Variants in ANXA6 observed in about 807,000 individuals in gnomAD.
The protein encoded by ANXA6 is annexin A6.
A neutral mutation model predicts 95.4 loss-of-function variants in ANXA6; 71 were observed. That is an observed-to-expected ratio of 0.74 (90% CI 0.61 to 0.91). The LOEUF is 0.91. Ranked by LOEUF, ANXA6 falls within the 40% of genes least tolerant of loss-of-function variation. ANXA6 has a pLI of 0.00. For missense variants in ANXA6, 830 were observed against 876.4 expected (o/e 0.95, Z 0.67); for synonymous variants, 289 against 315.9 (o/e 0.91, Z 0.90).
intron 24 of ANXA6, among the ~76,000 whole-genome samples, 171 bp downstream of exon 24, chr5:151,105,074 C>G (rs1476532848): frequency 6.6e-6 from 1 of 152,176 alleles, no homozygotes; most frequent in Non-Finnish European, 1.5e-5. Flanking sequence ...GAAATCACCC[C>G]CAACTGGGAA....
At chr5:151,108,161 T>G (rs961760393) in intron 23 of ANXA6, among the ~76,000 whole-genome samples, 4 of 152,110 alleles carry the variant, frequency 2.6e-5, no homozygotes, top group South Asian at 4.1e-4. Flanking sequence ...AGTGTGTGTG[T>G]GGTGTGTGTG....
In ANXA6 at chr5:151,124,311, C is replaced by A. The variant is rs138779149; in HGVS notation, c.1113G>T (p.Ala371=). The change falls in exon 15 of 26, where the codon GCG becomes GCT. Residue 371 remains alanine (A), a synonymous_variant. Transcript: ENST00000354546. The stretch of plus-strand genomic sequence containing the variant: ...CGAGTCCCTTCATGGCTTTCCGCAG[C>A]GCTTTGGCATCTGCGTCAGGGTTGA... The part of the protein sequence containing the change: ...NDFNPDADAK[A]LRKAMKGLGT... 5 of 1,613,632 alleles carry A rather than the reference C, an allele frequency of 3.1e-6. No homozygotes were observed. Among genetic ancestry groups the A allele is most frequent in the Non-Finnish European group, 4.2e-6 (5 of 1,179,796 alleles).
intron 2 of ANXA6, among the ~76,000 whole-genome samples, chr5:151,144,657 T>A (rs113755829): frequency 0.021 from 3,174 of 152,174 alleles, 107 homozygotes; most frequent in African/African-American, 0.072. Context: ...CACAGCAGTG[T>A]CTGGAGAAGG....
In ANXA6 at chr5:151,101,046, C is replaced by T. The variant is rs1385598817; in HGVS notation, c.*402G>A. ...TTACTATCCTTCCCACCACCCCGCC[C>T]AGCACATTCAACTGGCCCCTGCCAC... On this transcript the variant is annotated 3_prime_UTR_variant, in exon 26 of 26. Coordinates refer to ENST00000354546, the MANE Select transcript of ANXA6 (RefSeq NM_001155.5). 1 of 472,092 alleles carries T rather than the reference C, an allele frequency of 2.1e-6. No individual in the cohort carries two copies. Among genetic ancestry groups the T allele is most frequent in the African/African-American group, 2.0e-5 (1 of 50,758 alleles). The allele number at this position is 472,092 out of a possible 1,614,324, so 29.2% of individuals were successfully genotyped here. A position where few individuals can be genotyped will look rare whatever the true frequency, so the allele number is the denominator to read the frequency against.
rs753223059 is a variant in ANXA6 at position 151,136,254 on chromosome 5, AC to A, written c.489+1del. ...GAGGAAAAAAATAGGCTGTGAACCA[AC>A]CTGGAGCAGGACCACAAGCATCTTC... On this transcript the variant is annotated splice_donor_variant, in intron 7 of 25. Coordinates refer to ENST00000354546, the MANE Select transcript of ANXA6 (RefSeq NM_001155.5). LOFTEE classifies it high-confidence loss of function. The A allele has an allele frequency of 6.2e-7, 1 of 1,613,886 alleles. No homozygotes were observed. Among genetic ancestry groups the A allele is most frequent in the Admixed American group, 1.7e-5 (1 of 60,016 alleles).
intron 6 of ANXA6, 45 bp downstream of exon 6, chr5:151,137,186 A>T (rs1386820468): frequency 6.5e-7 from 1 of 1,528,988 alleles, no homozygotes; most frequent in Non-Finnish European, 9.0e-7. Context: ...AATCATCCTC[A>T]TTTTGTATCT....
chr5:151,134,799 C>A (rs1433065019), intron 7 of ANXA6, among the ~76,000 whole-genome samples: 4 of 152,190 alleles, frequency 2.6e-5, no homozygotes, highest in Non-Finnish European at 4.4e-5. Context: ...GAGGACAGGG[C>A]CCCAGGTTCT....
chr5:151,108,995 C>A (rs1052905423), intron 22 of ANXA6, among the ~76,000 whole-genome samples: 1 of 152,138 alleles, frequency 6.6e-6, no homozygotes, highest in African/African-American at 2.4e-5. Context: ...TCAGGCATTG[C>A]GCCAGTGCTT....
At chr5:151,121,698 C>T (rs1765173613) in intron 17 of ANXA6, among the ~76,000 whole-genome samples, 2 of 152,204 alleles carry the variant, frequency 1.3e-5, no homozygotes, top group Non-Finnish European at 1.5e-5. Context: ...TCGAGACCCA[C>T]CCCACTTCCT....
Position 151,139,899 on chromosome 5 carries a change from C to G in ANXA6, c.109+254G>C, listed in dbSNP as rs75311081. ...TCAGGAGGGGGATCTACCAAGGAAACTTCAACTATGCTAATGAAGCACTAG... is the reference window on the plus strand; with the variant it reads ...TCAGGAGGGGGATCTACCAAGGAAAGTTCAACTATGCTAATGAAGCACTAG... On this transcript the variant is annotated intron_variant, in intron 3 of 25. Transcript: ENST00000354546. 4.3e-3 allele frequency among the ~76,000 whole-genome samples: 655 copies of G among 152,326 alleles called. 6 individuals carry two copies. Among genetic ancestry groups the G allele is most frequent in the African/African-American group, 0.014 (599 of 41,560 alleles).
intron 1 of ANXA6, among the ~76,000 whole-genome samples, chr5:151,154,730 C>A (rs565370035): frequency 6.6e-6 from 1 of 152,338 alleles, no homozygotes; most frequent in Admixed American, 6.5e-5. Flanking sequence ...TCTCCTGACC[C>A]AGAACCATTG....
At chr5:151,122,673 T>A (rs903949171) in intron 16 of ANXA6, among the ~76,000 whole-genome samples, 1 of 152,200 alleles carries the variant, frequency 6.6e-6, no homozygotes, top group African/African-American at 2.4e-5. Context: ...CTTGGCCCCA[T>A]GCTGTGCCTC....
At chr5:151,154,215 G>A (rs1766176638) in intron 1 of ANXA6, among the ~76,000 whole-genome samples, 1 of 151,262 alleles carries the variant, frequency 6.6e-6, no homozygotes, top group Admixed American at 6.6e-5. Flanking sequence ...TAGAAGTTGG[G>A]GGTTGAACAG....
chr5:151,151,506 A>G (rs1766105088), intron 1 of ANXA6: 1 of 152,180 alleles, frequency 6.6e-6, no homozygotes, highest in Non-Finnish European at 1.5e-5. Context: ...CTTGGCTGCA[A>G]TGGGACACCA....
chr5:151,123,942 G>A (rs1031840671), intron 15 of ANXA6, among the ~76,000 whole-genome samples: 6 of 152,210 alleles, frequency 3.9e-5, no homozygotes, highest in African/African-American at 1.4e-4. Context: ...CAGACCCAGA[G>A]TGGCGGAGAG....
In ANXA6 at chr5:151,108,553, G is replaced by A. The variant is rs565736604; in HGVS notation, c.1685-3C>T. The A allele has an allele frequency of 6.2e-7, 1 of 1,613,744 alleles. No homozygotes were observed. The highest frequency in any genetic ancestry group is 1.1e-5 in the South Asian group (1 of 91,080). On this transcript the variant is annotated splice_region_variant and splice_polypyrimidine_tract_variant and intron_variant, in intron 22 of 25. Transcript: ENST00000354546. Reference sequence around the variant, plus strand: ...CATCTTGATGAACTCCTGGAAGACTGGCCACAAGAGAAGCCCCAGAGGTGG... The same window carrying A: ...CATCTTGATGAACTCCTGGAAGACTAGCCACAAGAGAAGCCCCAGAGGTGG...
rs753316853 is a variant in ANXA6 at position 151,129,367 on chromosome 5, G to C, written c.918+40C>G. The C allele has an allele frequency of 5.0e-6, 8 of 1,609,340 alleles. No individual in the cohort carries two copies. The African/African-American group carries it at 1.1e-4, about 22-fold the overall frequency. On this transcript the variant is annotated intron_variant, in intron 12 of 25. Transcript: ENST00000354546. ...CCCAAGCCCTCTGTCTTGGCAAAAA[G>C]CTCTTTGCTCCCTTCTCTGCCCCCA...
At chr5:151,140,707 A>G (rs977239793) in intron 2 of ANXA6, among the ~76,000 whole-genome samples, 1 of 152,068 alleles carries the variant, frequency 6.6e-6, no homozygotes, top group Non-Finnish European at 1.5e-5. Context: ...GATTACAGGC[A>G]TGAACCAGTG....
chr5:151,138,387 T>C (rs1039816925), intron 5 of ANXA6, among the ~76,000 whole-genome samples: 63 of 152,290 alleles, frequency 4.1e-4, no homozygotes, highest in Middle Eastern at 3.4e-3. Context: ...TTGATTACCT[T>C]TAGTGTGCCC....
Sources: allele counts gnomAD v4.1 joint callset (sites outside exome capture counted in the v4.1 genomes callset), GRCh38; gene constraint gnomAD v4.1.1; transcripts MANE v1.5; gene names NCBI Gene and HGNC (gene_info 2026-07-23, HGNC 2026-07-21).